Variants in DZIP3 observed in about 807,000 individuals in gnomAD.
DZIP3 encodes the protein E3 ubiquitin-protein ligase DZIP3.
In DZIP3, 118 loss-of-function variants were observed where a neutral mutation model predicts 162.0. The observed-to-expected ratio is 0.73, with a 90% CI of 0.63 to 0.85. The LOEUF is 0.85. DZIP3 is among the 40% of genes least tolerant of loss of function. DZIP3 has a pLI of 0.00. For synonymous variants in DZIP3, 438 were observed against 458.6 expected, an observed-to-expected ratio of 0.96 and a Z score of 0.57; for missense variants, 1,331 against 1,407.0, an observed-to-expected ratio of 0.95 and a Z score of 0.86.
chr3:108,631,580 TC>T (rs1559741765), intron 8 of DZIP3, among the ~76,000 whole-genome samples: 1 of 132,440 alleles, frequency 7.6e-6, no homozygotes, highest in Non-Finnish European at 1.6e-5. Flanking sequence ...TTATTATTAT[TC>T]CCTTTTTTTT....
chr3:108,623,042 T>C (rs1001536349), intron 5 of DZIP3, among the ~76,000 whole-genome samples: 6 of 151,726 alleles, frequency 4.0e-5, no homozygotes, highest in African/African-American at 1.5e-4. Context: ...CTACCACCTA[T>C]ACTGAGTCTC....
intron 1 of DZIP3, among the ~76,000 whole-genome samples, chr3:108,592,472 T>C (rs1290588256): frequency 6.6e-6 from 1 of 152,070 alleles, no homozygotes; most frequent in Non-Finnish European, 1.5e-5. Context: ...GGCAGGAGGA[T>C]CTCTTGAACC....
intron 19 of DZIP3, among the ~76,000 whole-genome samples, chr3:108,658,975 G>T (rs1943282926): frequency 6.6e-6 from 1 of 152,210 alleles, no homozygotes; most frequent in African/African-American, 2.4e-5. Context: ...CCAATAACAG[G>T]CTCTGAAATT....
At chr3:108,674,289 C>A in intron 24 of DZIP3, 108 bp downstream of exon 24, 1 of 840,840 alleles carries the variant, frequency 1.2e-6, no homozygotes, top group Non-Finnish European at 1.8e-6. Context: ...CATCAGAGTT[C>A]TTAAAGAAGC....
At chr3:108,683,830 C>T (rs62266459) in intron 26 of DZIP3, among the ~76,000 whole-genome samples, 1,561 of 152,246 alleles carry the variant, frequency 0.01, 10 homozygotes, top group Non-Finnish European at 0.016. Flanking sequence ...ACATAGATAA[C>T]ACTTCCTGAG....
intron 4 of DZIP3, among the ~76,000 whole-genome samples, chr3:108,615,863 A>G (rs758336043): frequency 2.0e-5 from 3 of 152,364 alleles, no homozygotes; most frequent in Admixed American, 6.5e-5. Context: ...TATTTTAGCT[A>G]TGTCACACAA....
intron 3 of DZIP3, among the ~76,000 whole-genome samples, chr3:108,608,992 G>A (rs1323475694): frequency 6.6e-6 from 1 of 152,154 alleles, no homozygotes; most frequent in Non-Finnish European, 1.5e-5. Flanking sequence ...AAGCAAGCAC[G>A]CCTTCACGTG....
chr3:108,681,928 CG>C (rs1192192747), intron 26 of DZIP3, among the ~76,000 whole-genome samples: 1 of 17,574 alleles, frequency 5.7e-5, no homozygotes, highest in East Asian at 1.2e-3. Context: ...TGGGGCCTGT[CG>C]GGGGGTGGGG....
At chr3:108,668,734 T>G (rs1442139974) in intron 21 of DZIP3, among the ~76,000 whole-genome samples, 2 of 151,794 alleles carry the variant, frequency 1.3e-5, no homozygotes, top group Non-Finnish European at 2.9e-5. Flanking sequence ...ACATTAACTA[T>G]AAGTCTCTAA....
Position 108,648,106 on chromosome 3 carries a change from C to G in DZIP3, c.1956C>G (p.Leu652=). 1 of 1,594,830 alleles carries G rather than the reference C, an allele frequency of 6.3e-7. No individual in the cohort carries two copies. The highest frequency in any genetic ancestry group is 8.5e-7 in the Non-Finnish European group (1 of 1,174,044). ...CTTCAACAGAATCTCTTAAAGATCT[C>G]CAGGAAGTATAAGCTCTCATTAATA... ...SESSTESLKD[L]QEVKSKQRKK... Residue 652 remains leucine, a synonymous_variant, in exon 16 of 33, where the codon CTC becomes CTG. Coordinates refer to ENST00000361582, the MANE Select transcript of DZIP3 (RefSeq NM_014648.4).
At chr3:108,594,035 T>G (rs1939574727) in intron 1 of DZIP3, among the ~76,000 whole-genome samples, 1 of 152,174 alleles carries the variant, frequency 6.6e-6, no homozygotes, top group Non-Finnish European at 1.5e-5. Context: ...ATAGAGCTTT[T>G]TAGCATAATA....
chr3:108,676,216 A>G (rs1039954521), intron 25 of DZIP3, among the ~76,000 whole-genome samples: 1 of 152,086 alleles, frequency 6.6e-6, no homozygotes, highest in Non-Finnish European at 1.5e-5. Context: ...TTGGGAGCCA[A>G]GGCGAGAGGA....
intron 1 of DZIP3, among the ~76,000 whole-genome samples, chr3:108,604,067 T>G (rs572080470): frequency 6.6e-6 from 1 of 152,312 alleles, no homozygotes; most frequent in Non-Finnish European, 1.5e-5. Context: ...TGACTTACAG[T>G]TGATCTTGTG....
chr3:108,654,780 T>G (rs1349326504), intron 19 of DZIP3, among the ~76,000 whole-genome samples: 1 of 152,172 alleles, frequency 6.6e-6, no homozygotes, highest in Non-Finnish European at 1.5e-5. Flanking sequence ...TAGTTGTCAC[T>G]GCTTGGAATG....
chr3:108,600,925 A>G (rs531679540), intron 1 of DZIP3, among the ~76,000 whole-genome samples: 2 of 152,298 alleles, frequency 1.3e-5, no homozygotes, highest in African/African-American at 2.4e-5. Flanking sequence ...GTGTGATTTT[A>G]TGTGAAATTA....
chr3:108,676,611 C>CA (rs879880395), intron 25 of DZIP3, among the ~76,000 whole-genome samples: 52 of 143,666 alleles, frequency 3.6e-4, no homozygotes, highest in East Asian at 1.4e-3. Context: ...ACACTATCAG[C>CA]AAAAAAAAAA....
intron 19 of DZIP3, among the ~76,000 whole-genome samples, chr3:108,654,786 G>A (rs961735974): frequency 6.6e-6 from 1 of 151,926 alleles, no homozygotes; most frequent in Admixed American, 6.6e-5. Context: ...TCACTGCTTG[G>A]AATGATGTAC....
chr3:108,651,006 C>T (rs1309091428), intron 17 of DZIP3, 131 bp from the exon 18 acceptor site: 1 of 271,816 alleles, frequency 3.7e-6, no homozygotes, highest in African/African-American at 2.3e-5. Flanking sequence ...GTGCATATGA[C>T]ATCATGATAT....
intron 15 of DZIP3, among the ~76,000 whole-genome samples, chr3:108,647,194 C>T (rs578193341): frequency 6.6e-6 from 1 of 152,226 alleles, no homozygotes; most frequent in South Asian, 2.1e-4. Context: ...CTTCAGCAGG[C>T]AAAAATACCT....
Sources: gnomAD v4.1 joint callset for allele counts (sites outside exome capture counted in the v4.1 genomes callset) on GRCh38, gnomAD v4.1.1 for gene constraint, MANE v1.5 for transcripts, NCBI Gene and HGNC (gene_info 2026-07-23, HGNC 2026-07-21) for gene names.